Variants in XKR9 observed in about 807,000 individuals in gnomAD.
XKR9 encodes the protein XK related 9, also known as XK-related protein 9.
Under a neutral mutation model 32.0 loss-of-function variants are expected in XKR9, and 32 were observed. The observed-to-expected ratio is 1.00, with a 90% CI of 0.76 to 1.34. The LOEUF (loss-of-function observed/expected upper bound fraction) is 1.34, where lower values mean the gene tolerates loss of function less well. Among genes scored for constraint, XKR9 ranks in the 40% most tolerant of loss-of-function variants. The pLI is 0.00. For synonymous variants in XKR9, 168 were observed against 143.4 expected (o/e 1.17, Z -1.22); for missense variants, 546 against 429.7 (o/e 1.27, Z -2.39).
chr8:70,754,267 A>G (rs1043865425), intron 2 of XKR9, among the ~76,000 whole-genome samples: 1 of 147,426 alleles, frequency 6.8e-6, no homozygotes, highest in Admixed American at 7.7e-5. Context: ...ATAAAAGAGG[A>G]TACAAACAAA....
chr8:70,795,156 G>T (rs1462049527), downstream of XKR9, among the ~76,000 whole-genome samples: 1 of 151,856 alleles, frequency 6.6e-6, no homozygotes, highest in African/African-American at 2.4e-5. Flanking sequence ...ATAGGCCCCA[G>T]TGTGTGTTTT....
the XKR9 span, among the ~76,000 whole-genome samples, chr8:71,050,343 CAT>C: frequency 6.7e-6 from 1 of 148,478 alleles, no homozygotes; most frequent in Non-Finnish European, 1.5e-5. Context: ...CATATATACA[CAT>C]ATACATGTAA....
intron 2 of XKR9, among the ~76,000 whole-genome samples, chr8:70,749,321 G>T (rs1807101897): frequency 6.6e-6 from 1 of 152,236 alleles, no homozygotes. Flanking sequence ...ACGAGAAGGA[G>T]AGAAGAGCTG....
the XKR9 span, among the ~76,000 whole-genome samples, chr8:70,921,091 A>C: frequency 6.6e-6 from 1 of 152,368 alleles, no homozygotes; most frequent in Non-Finnish European, 1.5e-5. Context: ...AATAAATGCA[A>C]GTCCTAATTG....
chr8:70,845,518 C>T, the XKR9 span, among the ~76,000 whole-genome samples: 1 of 152,010 alleles, frequency 6.6e-6, no homozygotes, highest in African/African-American at 2.4e-5. Flanking sequence ...CAAGAGAACA[C>T]AGATAAACAA....
chr8:70,853,683 C>G, the XKR9 span, among the ~76,000 whole-genome samples: 11 of 152,192 alleles, frequency 7.2e-5, no homozygotes, highest in Non-Finnish European at 1.2e-4. Flanking sequence ...CTCACTCCCC[C>G]CACCCCACAA....
At chr8:70,903,869 T>A in the XKR9 span, among the ~76,000 whole-genome samples, 1 of 152,212 alleles carries the variant, frequency 6.6e-6, no homozygotes, top group African/African-American at 2.4e-5. Context: ...AAAGAACATC[T>A]TTATTTGTGC....
intron 2 of XKR9, among the ~76,000 whole-genome samples, chr8:70,676,118 T>A (rs946688752): frequency 2.6e-5 from 4 of 152,092 alleles, no homozygotes; most frequent in Non-Finnish European, 4.4e-5. Flanking sequence ...TCAGGAAGCT[T>A]ACAATCATGG....
At chr8:70,752,346 C>T (rs937548391) in intron 2 of XKR9, among the ~76,000 whole-genome samples, 4 of 152,138 alleles carry the variant, frequency 2.6e-5, no homozygotes, top group African/African-American at 4.8e-5. Flanking sequence ...ATTTATCTTA[C>T]GATTTTAGAG....
the XKR9 span, among the ~76,000 whole-genome samples, chr8:70,902,739 A>G: frequency 1.3e-5 from 2 of 152,288 alleles, no homozygotes; most frequent in Admixed American, 6.5e-5. Context: ...GCTTTTGTCC[A>G]TTCAGTATGA....
chr8:70,867,098 C>T, the XKR9 span, among the ~76,000 whole-genome samples: 4 of 152,152 alleles, frequency 2.6e-5, no homozygotes, highest in Non-Finnish European at 4.4e-5. Flanking sequence ...TACAGTTCCA[C>T]GTGGCTGGGG....
chr8:71,034,175 A>T, the XKR9 span, among the ~76,000 whole-genome samples: 1 of 152,140 alleles, frequency 6.6e-6, no homozygotes, highest in Non-Finnish European at 1.5e-5. Flanking sequence ...TTAAATTGTA[A>T]TACCCATCTG....
chr8:70,977,156 G>C, the XKR9 span, among the ~76,000 whole-genome samples: 1 of 151,376 alleles, frequency 6.6e-6, no homozygotes, highest in East Asian at 1.9e-4. Context: ...TGTTCTTTTG[G>C]TTCTTTTTAA....
chr8:70,973,121 T>A, the XKR9 span, among the ~76,000 whole-genome samples: 5 of 152,266 alleles, frequency 3.3e-5, no homozygotes, highest in Middle Eastern at 3.4e-3. Context: ...GGTATTTTTT[T>A]AATTATCATT....
the XKR9 span, among the ~76,000 whole-genome samples, chr8:70,924,214 G>A: frequency 6.6e-6 from 1 of 151,858 alleles, no homozygotes; most frequent in East Asian, 1.9e-4. Flanking sequence ...TTTTTTCTTT[G>A]TCTTGCCTTC....
the XKR9 span, among the ~76,000 whole-genome samples, chr8:70,813,891 C>T: frequency 2.6e-5 from 4 of 152,158 alleles, no homozygotes; most frequent in Admixed American, 1.3e-4. Flanking sequence ...GTGGCGATTC[C>T]TCAGGGATCT....
At chr8:70,975,070 A>G in the XKR9 span, among the ~76,000 whole-genome samples, 1 of 152,158 alleles carries the variant, frequency 6.6e-6, no homozygotes, top group East Asian at 1.9e-4. Context: ...TCATTTGCCC[A>G]CTTTTTGATG....
chr8:70,684,818 T>C (rs568485715), intron 3 of XKR9, among the ~76,000 whole-genome samples: 93 of 147,090 alleles, frequency 6.3e-4, no homozygotes, highest in Middle Eastern at 3.4e-3. Flanking sequence ...CCAGTTAGAA[T>C]GGCAATCATT....
intron 4 of XKR9, among the ~76,000 whole-genome samples, chr8:70,731,341 A>C (rs1279359526): frequency 6.6e-6 from 1 of 151,498 alleles, no homozygotes; most frequent in African/African-American, 2.4e-5. Context: ...TTTTGCTGGC[A>C]TACCAGGTTT....
Sources: gnomAD v4.1 joint callset for allele counts (sites outside exome capture counted in the v4.1 genomes callset) on GRCh38, gnomAD v4.1.1 for gene constraint, MANE v1.5 for transcripts, NCBI Gene and HGNC (gene_info 2026-07-23, HGNC 2026-07-21) for gene names.